Variants in CRB1 observed in about 807,000 individuals in gnomAD.
CRB1 encodes the protein protein crumbs homolog 1.
CRB1 carries 83 observed loss-of-function variants against 120.0 expected under a neutral mutation model. The ratio of observed to expected loss-of-function variants is 0.69; its 90% CI spans 0.58 to 0.83. The LOEUF (loss-of-function observed/expected upper bound fraction) is 0.83, where lower values mean the gene tolerates loss of function less well. Ranked by LOEUF, CRB1 falls within the 40% of genes least tolerant of loss-of-function variation. CRB1 has a pLI of 0.00. For synonymous variants in CRB1, 625 were observed against 612.5 expected, an observed-to-expected ratio of 1.02 and a Z score of -0.30; for missense variants, 1,699 against 1,687.6, an observed-to-expected ratio of 1.01 and a Z score of -0.12.
At chr1:197,278,963 A>G (rs1381661949) in intron 1 of CRB1, among the ~76,000 whole-genome samples, 3 of 152,072 alleles carry the variant, frequency 2.0e-5, no homozygotes, top group Admixed American at 1.3e-4. Flanking sequence ...AAGTCTGTGC[A>G]TGGATCTGGC....
At chr1:197,335,743 C>T (rs552876962) in intron 2 of CRB1, among the ~76,000 whole-genome samples, 13 of 152,300 alleles carry the variant, frequency 8.5e-5, no homozygotes, top group South Asian at 8.3e-4. Flanking sequence ...TGTGATCCGC[C>T]GCCTAGGCCT....
intron 5 of CRB1, among the ~76,000 whole-genome samples, chr1:197,405,107 G>C (rs1045013016): frequency 6.6e-6 from 1 of 150,940 alleles, no homozygotes; most frequent in African/African-American, 2.4e-5. Context: ...CTCTTTCCAC[G>C]GTCTCCCTCT....
At chr1:197,321,913 C>T (rs932233804) in intron 1 of CRB1, among the ~76,000 whole-genome samples, 1 of 152,084 alleles carries the variant, frequency 6.6e-6, no homozygotes, top group African/African-American at 2.4e-5. Flanking sequence ...TATTTTTATT[C>T]ATGGCTACTA....
At chr1:197,335,186 G>C (rs986706268) in intron 2 of CRB1, among the ~76,000 whole-genome samples, 12 of 152,302 alleles carry the variant, frequency 7.9e-5, no homozygotes, top group Non-Finnish European at 1.6e-4. Context: ...AGTGTGACTG[G>C]AGTGAAGGAG....
the CRB1 span, chr1:197,223,052 G>A: frequency 1.3e-6 from 1 of 790,196 alleles, no homozygotes; most frequent in Non-Finnish European, 2.3e-6. Context: ...GACTATCTTT[G>A]AGGCAAAATA....
At chr1:197,391,369 G>T (rs1156860783) in intron 5 of CRB1, among the ~76,000 whole-genome samples, 1 of 152,128 alleles carries the variant, frequency 6.6e-6, no homozygotes, top group Non-Finnish European at 1.5e-5. Flanking sequence ...TCTATAGCTA[G>T]ACAGAGGCTC....
the CRB1 span, among the ~76,000 whole-genome samples, chr1:197,211,964 A>C: frequency 6.6e-6 from 1 of 152,180 alleles, no homozygotes; most frequent in South Asian, 2.1e-4. Context: ...ACTAATATAA[A>C]ATGAAAAAAA....
chr1:197,384,530 T>C lies in CRB1; in HGVS notation c.1171+27517T>C, dbSNP rs1200269444. On this transcript the variant is annotated intron_variant, in intron 5 of 11. Coordinates refer to ENST00000367400, the MANE Select transcript of CRB1 (RefSeq NM_201253.3). ...AAGCTGAGAGCATATTATCCTGAGA[T>C]GGGAGCTGCATCTTAAATGTATTTT... 3.3e-5 allele frequency among the ~76,000 whole-genome samples: 5 copies of C among 152,294 alleles called. No homozygotes were observed. In the East Asian group the frequency reaches 7.7e-4, roughly 24 times the overall value.
chr1:197,209,368 G>A, the CRB1 span, among the ~76,000 whole-genome samples: 1 of 151,800 alleles, frequency 6.6e-6, no homozygotes, highest in Admixed American at 6.6e-5. Flanking sequence ...TTTTTGAGAT[G>A]GAGTCTCGCT....
chr1:197,319,793 C>T (rs1427147417), intron 1 of CRB1, among the ~76,000 whole-genome samples: 1 of 151,988 alleles, frequency 6.6e-6, no homozygotes, highest in African/African-American at 2.4e-5. Flanking sequence ...GAAAAACTGG[C>T]TTCTTGTTTT....
chr1:197,213,783 A>C, the CRB1 span, among the ~76,000 whole-genome samples: 2 of 152,212 alleles, frequency 1.3e-5, no homozygotes, highest in Non-Finnish European at 2.9e-5. Context: ...CTGAACAACC[A>C]ATGGTTCAAA....
At chr1:197,475,771 T>C (rs572017933) in intron 11 of CRB1, among the ~76,000 whole-genome samples, 5 of 152,248 alleles carry the variant, frequency 3.3e-5, no homozygotes, top group Non-Finnish European at 5.9e-5. Flanking sequence ...TCATGGTCAA[T>C]GTATTGGTCA....
intron 11 of CRB1, among the ~76,000 whole-genome samples, chr1:197,464,297 G>A (rs1030390275): frequency 6.6e-6 from 1 of 152,134 alleles, no homozygotes; most frequent in Admixed American, 6.6e-5. Flanking sequence ...AAAAGAACAT[G>A]AGCACTGAGC....
chr1:197,231,146 CTTT>C, the CRB1 span, among the ~76,000 whole-genome samples: 1 of 152,046 alleles, frequency 6.6e-6, no homozygotes, highest in East Asian at 1.9e-4. Flanking sequence ...ATTATAGCTT[CTTT>C]ATTACATGTT....
intron 11 of CRB1, among the ~76,000 whole-genome samples, chr1:197,453,164 G>A (rs1666050187): frequency 6.6e-6 from 1 of 151,462 alleles, no homozygotes; most frequent in Admixed American, 6.6e-5. Context: ...GAGATATCTA[G>A]AAGAGTCAAA....
In CRB1 at chr1:197,421,500, A is replaced by T. The variant is rs115811272; in HGVS notation, c.1672A>T (p.Ile558Phe). 7 of 1,614,184 alleles carry T rather than the reference A, an allele frequency of 4.3e-6. No homozygotes were observed. In the East Asian group the frequency reaches 1.6e-4, roughly 36 times the overall value. Residue 558 changes from isoleucine to phenylalanine, a missense_variant, in exon 6 of 12, where the codon ATT (isoleucine) becomes TTT (phenylalanine). Physicochemically the swap from Ile to Phe is conservative, Grantham distance 21. Transcript: ENST00000367400. Reference protein sequence around the residue: ...VNNQSKVLLFISHNTSDGEWH... With the variant: ...VNNQSKVLLFFSHNTSDGEWH... Reference sequence around the variant, plus strand: ...TAATCAGTCAAAGGTGCTTCTGTTCATTTCCCACAACACCAGCGATGGAGA... The same window carrying T: ...TAATCAGTCAAAGGTGCTTCTGTTCTTTTCCCACAACACCAGCGATGGAGA...
At chr1:197,330,363 T>C (rs1485795787) in intron 2 of CRB1, among the ~76,000 whole-genome samples, 2 of 152,208 alleles carry the variant, frequency 1.3e-5, no homozygotes, top group Admixed American at 1.3e-4. Context: ...TTGAAATAAC[T>C]TTTCTAAAAT....
At chr1:197,292,187 G>T (rs1656225458) in intron 1 of CRB1, among the ~76,000 whole-genome samples, 1 of 151,668 alleles carries the variant, frequency 6.6e-6, no homozygotes, top group Admixed American at 6.6e-5. Flanking sequence ...TAATAAAGAA[G>T]AAAAGAGAGA....
chr1:197,353,828 A>T (rs1370277552), intron 4 of CRB1, among the ~76,000 whole-genome samples: 7 of 151,022 alleles, frequency 4.6e-5, no homozygotes, highest in African/African-American at 7.3e-5. Flanking sequence ...AAAAAAAAAA[A>T]AAAAAAAAAC....
Sources: allele counts gnomAD v4.1 joint callset (sites outside exome capture counted in the v4.1 genomes callset), GRCh38; gene constraint gnomAD v4.1.1; transcripts MANE v1.5; gene names NCBI Gene and HGNC (gene_info 2026-07-23, HGNC 2026-07-21).